FBXL16: variants seen among roughly 807,000 people sequenced by gnomAD.
FBXL16 encodes the protein F-box/LRR-repeat protein 16.
A neutral mutation model predicts 36.7 loss-of-function variants in FBXL16; 7 were observed. The ratio of observed to expected loss-of-function variants is 0.19; its 90% CI spans 0.11 to 0.36. FBXL16 has a LOEUF of 0.36. Among genes scored for constraint, FBXL16 ranks in the 10% least tolerant of loss-of-function variants. FBXL16 has a pLI of 1.00. For synonymous variants in FBXL16, 355 were observed against 308.7 expected, an observed-to-expected ratio of 1.15 and a Z score of -1.57; for missense variants, 463 against 659.4, an observed-to-expected ratio of 0.70 and a Z score of 3.26.
At chr16:696,170 G>A (rs191844540) in intron 2 of FBXL16, 6,584 of 479,270 alleles carry the variant, frequency 0.014, 72 homozygotes, top group Non-Finnish European at 0.017. Flanking sequence ...ACTCCTGGGG[G>A]ATCCTTTCCC....
In FBXL16 at chr16:692,509, A is replaced by G. The variant is rs1596570435; in HGVS notation, c.*1766T>C. 6.6e-6 allele frequency: 1 copy of G among 152,390 alleles called. No individual in the cohort carries two copies. Among genetic ancestry groups the G allele is most frequent in the Non-Finnish European group, 1.5e-5 (1 of 68,044 alleles). 9.4% of individuals were successfully genotyped at this position (152,390 alleles called of 1,614,324 possible). ...AAACAACTCAGACACATGTTTTTAC[A>G]ACTTTTTTAATATATATTTTTATAA... is the stretch of plus-strand genomic sequence containing the variant. On this transcript the variant is annotated 3_prime_UTR_variant, in exon 6 of 6. Coordinates refer to ENST00000397621, the MANE Select transcript of FBXL16 (RefSeq NM_153350.4).
At chr16:694,884 G>T in intron 4 of FBXL16, 108 bp downstream of exon 4, 1 of 1,307,588 alleles carries the variant, frequency 7.6e-7, no homozygotes, top group Admixed American at 2.5e-5. Context: ...TCGGCTGCTG[G>T]ATAGGGAGGG....
At chr16:704,962 C>A (rs1329501082) in intron 1 of FBXL16, among the ~76,000 whole-genome samples, 2 of 152,226 alleles carry the variant, frequency 1.3e-5, no homozygotes, top group African/African-American at 2.4e-5. Flanking sequence ...CCTTCTGAGG[C>A]CCTCCAACCT....
Position 696,767 on chromosome 16 carries a change from G to A in FBXL16, c.633+6C>T. On this transcript the variant is annotated splice_donor_region_variant and intron_variant, in intron 2 of 5. Coordinates refer to ENST00000397621, the MANE Select transcript of FBXL16 (RefSeq NM_153350.4). ...CAGCCCTGTCCCCCCCGAGCCTGGT[G>A]CACACCTCGAGGCCTGCGTCCGTGA... 4.2e-6 allele frequency: 3 copies of A among 708,196 alleles called. No homozygotes were observed. Among genetic ancestry groups the A allele is most frequent in the East Asian group, 7.0e-5 (2 of 28,516 alleles). The allele number at this position is 708,196 out of a possible 1,614,324, so 43.9% of individuals were successfully genotyped here. A position where few individuals can be genotyped will look rare whatever the true frequency, so the allele number is the denominator to read the frequency against.
intron 1 of FBXL16, among the ~76,000 whole-genome samples, chr16:698,004 A>C (rs1251718041): frequency 6.6e-6 from 1 of 151,886 alleles, no homozygotes; most frequent in African/African-American, 2.4e-5. Flanking sequence ...TGTCTCAAAA[A>C]AAAAAAAAAG....
Position 693,746 on chromosome 16 carries a change from G to C in FBXL16, c.*529C>G, listed in dbSNP as rs1365574280. On this transcript the variant is annotated 3_prime_UTR_variant, in exon 6 of 6. Transcript: ENST00000397621. ...CACCCCTCGGAGGGCTCCAGGTATG[G>C]TGCGGTGGAAGATGCAGGAAGCCCG... 6.5e-6 allele frequency: 1 copy of C among 152,944 alleles called. No homozygotes were observed. The highest frequency in any genetic ancestry group is 1.5e-5 in the Non-Finnish European group (1 of 68,342). The allele number at this position is 152,944 out of a possible 1,614,324, so 9.5% of individuals were successfully genotyped here.
chr16:704,884 G>C (rs1432475535), intron 1 of FBXL16, among the ~76,000 whole-genome samples: 1 of 152,230 alleles, frequency 6.6e-6, no homozygotes, highest in South Asian at 2.1e-4. Flanking sequence ...GGTGGGGAAC[G>C]CTCTCCACCC....
At chr16:704,766 G>A (rs2040079237) in intron 1 of FBXL16, among the ~76,000 whole-genome samples, 3 of 152,346 alleles carry the variant, frequency 2.0e-5, no homozygotes, top group Non-Finnish European at 2.9e-5. Flanking sequence ...CTCCTCCTGC[G>A]GAGGGCAGGC....
intron 3 of FBXL16, 24 bp downstream of exon 3, chr16:695,391 C>A: frequency 6.7e-7 from 1 of 1,499,420 alleles, no homozygotes; most frequent in Non-Finnish European, 8.9e-7. Context: ...CCAGCCCCGC[C>A]CGGCGCGGCC....
At chr16:702,553 C>G (rs1409551439) in intron 1 of FBXL16, among the ~76,000 whole-genome samples, 1 of 152,200 alleles carries the variant, frequency 6.6e-6, no homozygotes, top group Non-Finnish European at 1.5e-5. Flanking sequence ...CGGAATGTGG[C>G]TCCGCTAGCT....
chr16:702,417 G>T (rs1349758691), intron 1 of FBXL16, among the ~76,000 whole-genome samples: 1 of 152,196 alleles, frequency 6.6e-6, no homozygotes, highest in African/African-American at 2.4e-5. Flanking sequence ...AATCACATGG[G>T]TTATCATCAC....
intron 1 of FBXL16, among the ~76,000 whole-genome samples, chr16:702,117 C>T (rs768728937): frequency 3.9e-5 from 6 of 152,294 alleles, no homozygotes; most frequent in African/African-American, 9.6e-5. Context: ...CATTCCCAGA[C>T]GGCCATGTGG....
chr16:696,554 G>C (rs1596573125), intron 2 of FBXL16, among the ~76,000 whole-genome samples: 1 of 152,210 alleles, frequency 6.6e-6, no homozygotes, highest in Non-Finnish European at 1.5e-5. Context: ...TTGAGCCACC[G>C]GGCCTGGGCC....
At position 697,495 on chromosome 16, in the gene FBXL16, G is replaced by C; in HGVS notation, c.-14-76C>G. The C allele has an allele frequency of 6.9e-7, 1 of 1,453,452 alleles. No individual in the cohort carries two copies. The highest frequency in any genetic ancestry group is 9.1e-7 in the Non-Finnish European group (1 of 1,103,092). The allele number at this position is 1,453,452 out of a possible 1,614,324, so 90.0% of individuals were successfully genotyped here. On this transcript the variant is annotated intron_variant, in intron 1 of 5. Coordinates refer to ENST00000397621, the MANE Select transcript of FBXL16 (RefSeq NM_153350.4). The surrounding 1 kb of genome is among the most constrained non-coding windows in gnomAD (Gnocchi z 4.6). ...GCCGGGGTTGGGGGCGGGTGCAGTG[G>C]GGCTCCTTCCCTCCTTGGGCGTCCC... is the stretch of plus-strand genomic sequence containing the variant.
In FBXL16 at chr16:697,065, T is replaced by C. The variant is rs767112668; in HGVS notation, c.341A>G (p.Lys114Arg). The part of the protein sequence containing the change: ...GLFWYFSACE[K>R]CVLAQVCKAW... ...CTTGCACACCTGGGCCAGCACACAC[T>C]TCTCGCAGGCCGAGAAATACCAGAA... Residue 114 changes from lysine (K) to arginine (R), a missense_variant, in exon 2 of 6, where the codon AAG (lysine) becomes AGG (arginine). Coordinates refer to ENST00000397621, the MANE Select transcript of FBXL16 (RefSeq NM_153350.4). This position sits in a 1 kb window ranked among gnomAD's most constrained non-coding sequence, Gnocchi z 4.6. 19 of 1,605,282 alleles carry C rather than the reference T, an allele frequency of 1.2e-5. No individual in the cohort carries two copies. Among genetic ancestry groups the C allele is most frequent in the Non-Finnish European group, 1.6e-5 (19 of 1,176,008 alleles).
At position 697,522 on chromosome 16, in the gene FBXL16, A is replaced by G. The variant is rs576597650; in HGVS notation, c.-14-103T>C. The stretch of plus-strand genomic sequence containing the variant: ...GCTCCTTCCCTCCTTGGGCGTCCCT[A>G]TGGTGCTCCCAGAACCACCAGACAG... On this transcript the variant is annotated intron_variant, in intron 1 of 5. Transcript: ENST00000397621. This position sits in a 1 kb window ranked among gnomAD's most constrained non-coding sequence, Gnocchi z 4.6. The G allele has an allele frequency of 1.3e-4, 177 of 1,362,470 alleles. No individual in the cohort carries two copies. Among genetic ancestry groups the G allele is most frequent in the Non-Finnish European group, 1.5e-4 (158 of 1,032,532 alleles). The allele number at this position is 1,362,470 out of a possible 1,614,324, so 84.4% of individuals were successfully genotyped here. A position where few individuals can be genotyped will look rare whatever the true frequency, so the allele number is the denominator to read the frequency against.
chr16:693,108 C>CG lies in FBXL16; in HGVS notation c.*1166dup, dbSNP rs1267881538. On this transcript the variant is annotated 3_prime_UTR_variant, in exon 6 of 6. Coordinates refer to ENST00000397621, the MANE Select transcript of FBXL16 (RefSeq NM_153350.4). Reference sequence around the variant, plus strand: ...CATCCCCCAGGACTTCCAAATGTCTCGGGCCGACAGAGCACGGTCAGAGCC... The same window carrying CG: ...CATCCCCCAGGACTTCCAAATGTCTCGGGGCCGACAGAGCACGGTCAGAGCC... The CG allele has an allele frequency of 1.4e-5, 2 of 139,286 alleles. No homozygotes were observed. Among genetic ancestry groups the CG allele is most frequent in the African/African-American group, 5.3e-5 (2 of 37,616 alleles). 8.6% of individuals were successfully genotyped at this position (139,286 alleles called of 1,614,324 possible). A position where few individuals can be genotyped will look rare whatever the true frequency, so the allele number is the denominator to read the frequency against.
chr16:694,550 C>T (rs1376072993), intron 5 of FBXL16, 84 bp downstream of exon 5: 16 of 1,525,384 alleles, frequency 1.0e-5, no homozygotes, highest in Non-Finnish European at 1.3e-5. Flanking sequence ...TGTGAGTTTG[C>T]ACAAGGACCG....
At position 694,087 on chromosome 16, in the gene FBXL16, G is replaced by T. The variant is rs1192361182; in HGVS notation, c.*188C>A. ...CCCACCCGCCGCCCCCCTGCCCGGG[G>T]CGGGGCTGGGAGGGCGGAGGGACCG... On this transcript the variant is annotated 3_prime_UTR_variant, in exon 6 of 6. Transcript: ENST00000397621. 3.5e-6 allele frequency: 1 copy of T among 289,430 alleles called. No homozygotes were observed. Among genetic ancestry groups the T allele is most frequent in the East Asian group, 6.1e-5 (1 of 16,352 alleles). The allele number at this position is 289,430 out of a possible 1,614,324, so 17.9% of individuals were successfully genotyped here.
Sources: gnomAD v4.1 joint callset for allele counts (sites outside exome capture counted in the v4.1 genomes callset) on GRCh38, gnomAD v4.1.1 for gene constraint, Gnocchi (gnomAD v3.1) non-coding constraint, MANE v1.5 for transcripts, NCBI Gene and HGNC (gene_info 2026-07-23, HGNC 2026-07-21) for gene names.